ECE1: variants seen among roughly 807,000 people sequenced by gnomAD.
The protein encoded by ECE1 is endothelin converting enzyme 1.
ECE1 carries 35 observed loss-of-function variants against 98.6 expected under a neutral mutation model. The ratio of observed to expected loss-of-function variants is 0.35; its 90% CI spans 0.27 to 0.47. The LOEUF is 0.47. ECE1 is among the 20% of genes least tolerant of loss of function. ECE1 has a pLI of 1.00. For missense variants in ECE1, 814 were observed against 1,025.3 expected (o/e 0.79, Z 2.81); for synonymous variants, 394 against 407.1 (o/e 0.97, Z 0.39).
chr1:21,336,024 GC>G (rs1238951945), intron 1 of ECE1, among the ~76,000 whole-genome samples: 2 of 152,230 alleles, frequency 1.3e-5, no homozygotes, highest in East Asian at 3.8e-4. Context: ...GGGGGCAGGG[GC>G]AGGGCTACAG....
intron 17 of ECE1, among the ~76,000 whole-genome samples, chr1:21,224,041 C>T (rs1388900780): frequency 6.6e-6 from 1 of 152,208 alleles, no homozygotes. Flanking sequence ...CTGGTCCCCG[C>T]ATTCCCTACA....
At chr1:21,229,637 C>T (rs1216866405) in intron 14 of ECE1, among the ~76,000 whole-genome samples, 2 of 152,156 alleles carry the variant, frequency 1.3e-5, no homozygotes, top group East Asian at 1.9e-4. Flanking sequence ...TTGGCCACCA[C>T]AAGTTTGACA....
intron 1 of ECE1, among the ~76,000 whole-genome samples, chr1:21,329,395 C>T (rs145326430): frequency 6.6e-6 from 1 of 152,284 alleles, no homozygotes; most frequent in East Asian, 1.9e-4. Flanking sequence ...AGGGGCGTGG[C>T]CTTCATAACC....
intron 1 of ECE1, among the ~76,000 whole-genome samples, chr1:21,309,545 G>A (rs867028575): frequency 2.6e-5 from 4 of 152,170 alleles, no homozygotes; most frequent in African/African-American, 7.2e-5. Context: ...TCTGTGGCAC[G>A]AGGCCCTTCA....
intron 1 of ECE1, among the ~76,000 whole-genome samples, chr1:21,333,187 G>A (rs1442506723): frequency 2.0e-5 from 3 of 152,166 alleles, no homozygotes; most frequent in African/African-American, 7.2e-5. Context: ...TGAACAAACA[G>A]GTATTGGTGG....
chr1:21,340,771 T>C lies in ECE1; in HGVS notation c.3+4605A>G, dbSNP rs111702581. On this transcript the variant is annotated intron_variant, in intron 1 of 18. Coordinates refer to the ECE1 transcript ENST00000415912. This position sits in a 1 kb window ranked among gnomAD's most constrained non-coding sequence, Gnocchi z 4.6. ...TCACTTGAACCAGGGAGGCTGAGGC[T>C]GCAGTGAGCTGAGATTGCACCACTG... Among the ~76,000 whole-genome samples the C allele has an allele frequency of 2.0e-5, 3 of 152,288 alleles. No individual in the cohort carries two copies. Among genetic ancestry groups the C allele is most frequent in the Admixed American group, 6.5e-5 (1 of 15,300 alleles).
At position 21,305,990 on chromosome 1, in the gene ECE1, G is replaced by C. The variant is rs528728223; in HGVS notation, c.4-15834C>G. On this transcript the variant is annotated intron_variant, in intron 1 of 18. Coordinates refer to the ECE1 transcript ENST00000415912. ...GAACAAAGAGGGCTGGCTGGGCCCT[G>C]AGCAAGCAGCTGGCCTGGGTTTGTC... is the stretch of plus-strand genomic sequence containing the variant. Among the ~76,000 whole-genome samples, 4 of 152,356 alleles carry C rather than the reference G, an allele frequency of 2.6e-5. No homozygotes were observed. In the East Asian group the frequency reaches 7.7e-4, roughly 29 times the overall value.
At position 21,245,043 on chromosome 1, in the gene ECE1, C is replaced by G. The variant is rs765048982; in HGVS notation, c.1224G>C (p.Gln408His). 1.9e-6 allele frequency: 3 copies of G among 1,614,110 alleles called. No individual in the cohort carries two copies. Among genetic ancestry groups the G allele is most frequent in the Non-Finnish European group, 2.5e-6 (3 of 1,180,048 alleles). Residue 408 changes from glutamine (Q) to histidine (H), a missense_variant, in exon 10 of 19, where the codon CAG becomes CAC. Gln to His is a conservative substitution (Grantham distance 24). Coordinates refer to ENST00000374893, the MANE Select transcript of ECE1 (RefSeq NM_001397.3). ...ACTTCTCATCGGCGTCCTGAAAGCG[C>G]TGGTCAAGGAAGGAGCTTGTTTTCC... ...LVRKTSSFLD[Q>H]RFQDADEKFM... is the part of the protein sequence containing the mutation.
intron 8 of ECE1, among the ~76,000 whole-genome samples, chr1:21,248,544 C>A (rs1407695408): frequency 6.6e-6 from 1 of 152,122 alleles, no homozygotes; most frequent in Non-Finnish European, 1.5e-5. Flanking sequence ...CACAGAGGCG[C>A]CTTCCAGACC....
At chr1:21,291,562 G>A (rs955111941), upstream of ECE1, among the ~76,000 whole-genome samples, 26 of 152,076 alleles carry the variant, frequency 1.7e-4, no homozygotes, top group African/African-American at 5.8e-4. Flanking sequence ...TGGCTCGCTC[G>A]CGCCTGTAAT....
rs965252468 is a variant in ECE1, at chr1:21,236,857, A to C, written c.1390-13T>G. On this transcript the variant is annotated splice_polypyrimidine_tract_variant and intron_variant, in intron 11 of 18. Coordinates refer to ENST00000374893, the MANE Select transcript of ECE1 (RefSeq NM_001397.3). The stretch of plus-strand genomic sequence containing the variant: ...TGATCTCGGTGGCCTGAGGAGATAC[A>C]CATCACAGCAGTAAGGTCTGCGCAC... 4 of 1,611,140 alleles carry C rather than the reference A, an allele frequency of 2.5e-6. No individual in the cohort carries two copies. The African/African-American group carries it at 5.4e-5, about 22-fold the overall frequency.
chr1:21,244,117 T>C (rs1311000480), intron 10 of ECE1, among the ~76,000 whole-genome samples: 1 of 151,678 alleles, frequency 6.6e-6, no homozygotes, highest in African/African-American at 2.4e-5. Context: ...CTGGGGAGGA[T>C]TGTTGGGGTC....
At position 21,290,244 on chromosome 1, in the gene ECE1, C is replaced by A. The variant is rs2098265254; in HGVS notation, c.52-88G>T. 6 of 1,376,938 alleles carry A rather than the reference C, an allele frequency of 4.4e-6. No individual in the cohort carries two copies. Among genetic ancestry groups the A allele is most frequent in the Non-Finnish European group, 4.7e-6 (5 of 1,058,872 alleles). 85.3% of individuals were successfully genotyped at this position (1,376,938 alleles called of 1,614,324 possible). A position where few individuals can be genotyped will look rare whatever the true frequency, so the allele number is the denominator to read the frequency against. On this transcript the variant is annotated intron_variant, in intron 1 of 18. Transcript: ENST00000374893. This position sits in a 1 kb window ranked among gnomAD's most constrained non-coding sequence, Gnocchi z 7.3. The stretch of plus-strand genomic sequence containing the variant: ...GAAGCGGCCCCGACCCTGGCGCCGC[C>A]GCCGCCGCGCCCCGCCCCGGCCTGG...
chr1:21,274,141 C>T (rs1234072830), intron 3 of ECE1, among the ~76,000 whole-genome samples: 1 of 152,262 alleles, frequency 6.6e-6, no homozygotes, highest in Admixed American at 6.5e-5. Flanking sequence ...GGCATCATGT[C>T]CCTAGTTAAA....
At position 21,322,239 on chromosome 1, in the gene ECE1, G is replaced by A. The variant is rs913122386; in HGVS notation, c.3+23137C>T. 4.6e-5 allele frequency among the ~76,000 whole-genome samples: 7 copies of A among 152,120 alleles called. No homozygotes were observed. The highest frequency in any genetic ancestry group is 1.0e-4 in the Non-Finnish European group (7 of 68,008). On this transcript the variant is annotated intron_variant, in intron 1 of 18. Coordinates refer to the ECE1 transcript ENST00000415912. The surrounding 1 kb of genome is among the most constrained non-coding windows in gnomAD (Gnocchi z 4.1). ...AGTGAGATGGAGTGGGGATGGGGGT[G>A]TGGATAAAACCAGGAGACCCCACAC...
intron 1 of ECE1, among the ~76,000 whole-genome samples, chr1:21,302,145 A>G (rs1638499576): frequency 6.6e-6 from 1 of 152,240 alleles, no homozygotes; most frequent in Admixed American, 6.5e-5. Context: ...GGTCTTAGTC[A>G]GAAACCAACC....
intron 2 of ECE1, 25 bp from the exon 3 acceptor site, chr1:21,279,357 C>T (rs775217881): frequency 1.1e-5 from 17 of 1,613,818 alleles, no homozygotes; most frequent in African/African-American, 9.3e-5. Context: ...GCAGGAGGGG[C>T]GGGGAAGACG....
intron 16 of ECE1, 48 bp downstream of exon 16, chr1:21,227,111 G>C: frequency 6.3e-7 from 1 of 1,587,032 alleles, no homozygotes; most frequent in Non-Finnish European, 8.6e-7. Context: ...TCCTCTTAAA[G>C]CACGGAGATT....
At chr1:21,237,468 A>G (rs1374642094) in intron 11 of ECE1, among the ~76,000 whole-genome samples, 1 of 152,158 alleles carries the variant, frequency 6.6e-6, no homozygotes, top group Non-Finnish European at 1.5e-5. Flanking sequence ...CAGTCACTGT[A>G]ATGGATTTGA....
Sources: gnomAD v4.1 joint callset for allele counts (sites outside exome capture counted in the v4.1 genomes callset) on GRCh38, gnomAD v4.1.1 for gene constraint, Gnocchi (gnomAD v3.1) non-coding constraint, MANE v1.5 for transcripts, NCBI Gene and HGNC (gene_info 2026-07-23, HGNC 2026-07-21) for gene names.